Variants in ERC2 observed in about 807,000 individuals in gnomAD.
ERC2 encodes ERC protein 2.
A neutral mutation model predicts 114.8 loss-of-function variants in ERC2; 42 were observed. The ratio of observed to expected loss-of-function variants is 0.37; its 90% CI spans 0.29 to 0.47. ERC2 has a LOEUF of 0.47. Ranked by LOEUF, ERC2 falls within the 20% of genes least tolerant of loss-of-function variation. The pLI, the probability that ERC2 is intolerant of heterozygous loss-of-function variation, is 0.99. For synonymous variants in ERC2, 454 were observed against 425.5 expected, an observed-to-expected ratio of 1.07 and a Z score of -0.82; for missense variants, 939 against 1,150.7, an observed-to-expected ratio of 0.82 and a Z score of 2.66.
At chr3:56,273,555 C>A (rs1249004757) in intron 3 of ERC2, among the ~76,000 whole-genome samples, 1 of 152,096 alleles carries the variant, frequency 6.6e-6, no homozygotes, top group Non-Finnish European at 1.5e-5. Flanking sequence ...AAGGACACCC[C>A]TTTTACGGAG....
intron 2 of ERC2, among the ~76,000 whole-genome samples, chr3:56,365,997 C>A (rs762191353): frequency 2.0e-4 from 30 of 152,206 alleles, no homozygotes; most frequent in Non-Finnish European, 4.1e-4. Context: ...TGACCTACAA[C>A]CTCTGCAGCA....
At chr3:56,124,248 G>A (rs1225736006) in intron 6 of ERC2, among the ~76,000 whole-genome samples, 1 of 152,132 alleles carries the variant, frequency 6.6e-6, no homozygotes, top group Non-Finnish European at 1.5e-5. Flanking sequence ...CCAATTACAA[G>A]CACCTAAGGG....
At chr3:55,596,197 A>G (rs1463135786) in intron 17 of ERC2, among the ~76,000 whole-genome samples, 1 of 152,248 alleles carries the variant, frequency 6.6e-6, no homozygotes, top group Non-Finnish European at 1.5e-5. Flanking sequence ...GAAGGGAACA[A>G]AAGAACCATA....
At chr3:55,691,559 AAAAAAAAAAAAAAAATATAT>A (rs1353684773) in intron 16 of ERC2, among the ~76,000 whole-genome samples, 20 of 79,434 alleles carry the variant, frequency 2.5e-4, no homozygotes, top group African/African-American at 9.0e-4. Context: ...AAAAAAAAAA[AAAAAAAAAAAAAAAATATAT>A]ATATATATAT....
intron 15 of ERC2, among the ~76,000 whole-genome samples, chr3:55,730,243 T>C (rs1378636723): frequency 6.6e-6 from 1 of 152,196 alleles, no homozygotes; most frequent in Non-Finnish European, 1.5e-5. Flanking sequence ...TTAAGTCATA[T>C]AGTCTCTTGG....
intron 8 of ERC2, among the ~76,000 whole-genome samples, chr3:56,011,626 CACACACACACAT>C (rs1423019438): frequency 5.9e-5 from 9 of 151,894 alleles, no homozygotes; most frequent in African/African-American, 2.2e-4. Flanking sequence ...CACACACACA[CACACACACACAT>C]GCACACGAAA....
intron 2 of ERC2, among the ~76,000 whole-genome samples, chr3:56,415,818 G>A (rs1211273269): frequency 6.6e-6 from 1 of 152,198 alleles, no homozygotes; most frequent in Admixed American, 6.5e-5. Flanking sequence ...CCCATCAGCA[G>A]CGCTTGAATA....
At chr3:56,463,893 CTG>C (rs2107586111) in intron 1 of ERC2, among the ~76,000 whole-genome samples, 1 of 152,310 alleles carries the variant, frequency 6.6e-6, no homozygotes, top group East Asian at 1.9e-4. Flanking sequence ...CAGAATAAAA[CTG>C]TGTTCACCAC....
At chr3:56,004,981 G>A (rs550443535) in intron 10 of ERC2, among the ~76,000 whole-genome samples, 3 of 148,662 alleles carry the variant, frequency 2.0e-5, no homozygotes, top group Non-Finnish European at 4.5e-5. Context: ...TTTTTAAGGT[G>A]ATGGGTATTT....
intron 13 of ERC2, among the ~76,000 whole-genome samples, chr3:55,919,557 A>G (rs2065294435): frequency 1.3e-5 from 2 of 152,186 alleles, no homozygotes; most frequent in Admixed American, 1.3e-4. Flanking sequence ...ATTTGTAGGT[A>G]TCTGGAATAC....
chr3:55,732,662 G>A (rs1266958869), intron 15 of ERC2, among the ~76,000 whole-genome samples: 2 of 152,164 alleles, frequency 1.3e-5, no homozygotes, highest in African/African-American at 4.8e-5. Context: ...GGGACATGAG[G>A]AGCAAAGTAT....
chr3:55,554,841 A>C (rs1228521688), intron 17 of ERC2, among the ~76,000 whole-genome samples: 1 of 152,074 alleles, frequency 6.6e-6, no homozygotes, highest in Non-Finnish European at 1.5e-5. Flanking sequence ...AGGCTGGCAA[A>C]TATCTCTCTT....
intron 10 of ERC2, among the ~76,000 whole-genome samples, chr3:55,994,281 G>T (rs1377521271): frequency 6.6e-6 from 1 of 152,114 alleles, no homozygotes; most frequent in Non-Finnish European, 1.5e-5. Flanking sequence ...TCTTAGGACA[G>T]TTAAAACTCC....
intron 12 of ERC2, among the ~76,000 whole-genome samples, chr3:55,952,177 ACACTCTCTCT>A (rs1196730175): frequency 0.01 from 393 of 38,698 alleles, 31 homozygotes; most frequent in Admixed American, 0.08. Context: ...ACACACACAC[ACACTCTCTCT>A]CTCTCTCTCT....
intron 5 of ERC2, among the ~76,000 whole-genome samples, chr3:56,144,004 G>C (rs920500676): frequency 6.6e-6 from 1 of 152,188 alleles, no homozygotes; most frequent in Non-Finnish European, 1.5e-5. Flanking sequence ...GACTATGTCA[G>C]GGAACAAACA....
chr3:55,801,804 A>C (rs1298315576), intron 14 of ERC2, among the ~76,000 whole-genome samples: 2 of 152,176 alleles, frequency 1.3e-5, no homozygotes, highest in Non-Finnish European at 2.9e-5. Flanking sequence ...AACCAAGTAC[A>C]AGGCTCTTCT....
intron 17 of ERC2, among the ~76,000 whole-genome samples, chr3:55,554,650 C>T (rs1254790666): frequency 6.6e-6 from 1 of 152,206 alleles, no homozygotes; most frequent in Non-Finnish European, 1.5e-5. Flanking sequence ...AAAACAAAGA[C>T]ATTTGCAAAC....
At chr3:55,891,431 G>C (rs2063590551) in intron 13 of ERC2, among the ~76,000 whole-genome samples, 1 of 147,332 alleles carries the variant, frequency 6.8e-6, no homozygotes, top group African/African-American at 2.5e-5. Context: ...TGAACTGTCT[G>C]GTTCTATTTT....
intron 17 of ERC2, among the ~76,000 whole-genome samples, chr3:55,674,466 C>T (rs2061695407): frequency 6.6e-6 from 1 of 152,082 alleles, no homozygotes; most frequent in Admixed American, 6.5e-5. Context: ...TCCTGATATA[C>T]TTATTAAATT....
Sources: gnomAD v4.1 joint callset for allele counts (sites outside exome capture counted in the v4.1 genomes callset) on GRCh38, gnomAD v4.1.1 for gene constraint, MANE v1.5 for transcripts, NCBI Gene and HGNC (gene_info 2026-07-23, HGNC 2026-07-21) for gene names.